The following PNKD variants were observed in gnomAD, a reference collection of about 807,000 sequenced individuals.
PNKD encodes the protein PNKD metallo-beta-lactamase domain containing, also known as probable thioesterase PNKD.
In PNKD, 36 loss-of-function variants were observed where a neutral mutation model predicts 45.3. The ratio of observed to expected loss-of-function variants is 0.80; its 90% CI spans 0.61 to 1.05. PNKD has a LOEUF of 1.05. Ranked by LOEUF, PNKD falls within the 50% of genes least tolerant of loss-of-function variation. The pLI is 0.00. For missense variants in PNKD, 511 were observed against 506.6 expected (o/e 1.01, Z -0.08); for synonymous variants, 197 against 210.1 (o/e 0.94, Z 0.54).
intron 2 of PNKD, among the ~76,000 whole-genome samples, chr2:218,298,952 C>G (rs1020168553): frequency 6.6e-6 from 1 of 152,060 alleles, no homozygotes; most frequent in African/African-American, 2.4e-5. Flanking sequence ...GCCTGAGAAC[C>G]TCTCCTTACC....
intron 2 of PNKD, among the ~76,000 whole-genome samples, chr2:218,306,595 C>T (rs1004434407): frequency 1.3e-5 from 2 of 152,114 alleles, no homozygotes; most frequent in Non-Finnish European, 2.9e-5. Context: ...AAGAACATTG[C>T]CCCAAGGTGC....
intron 2 of PNKD, among the ~76,000 whole-genome samples, chr2:218,300,481 G>A (rs558537916): frequency 6.6e-6 from 1 of 152,168 alleles, no homozygotes; most frequent in Admixed American, 6.5e-5. Flanking sequence ...GATCGCTTGG[G>A]GTTCATGTTA....
intron 2 of PNKD, among the ~76,000 whole-genome samples, chr2:218,339,281 C>T (rs932884841): frequency 6.6e-6 from 1 of 151,858 alleles, no homozygotes; most frequent in Non-Finnish European, 1.5e-5. Flanking sequence ...TTTTTTTAGA[C>T]AGAGTCTCAC....
chr2:218,275,317 A>G (rs1691083062), intron 2 of PNKD: 1 of 975,010 alleles, frequency 1.0e-6, no homozygotes. Context: ...CCACACATCC[A>G]TAGCCAGAGA....
intron 2 of PNKD, chr2:218,277,630 T>A (rs2106193251): frequency 6.2e-7 from 1 of 1,614,210 alleles, no homozygotes; most frequent in Admixed American, 1.7e-5. Context: ...TCCCTGAATG[T>A]ACCTGGAAAT....
chr2:218,272,604 A>G (rs1690889767), intron 2 of PNKD: 1 of 1,613,676 alleles, frequency 6.2e-7, no homozygotes, highest in African/African-American at 1.3e-5. Context: ...CCTCCTCTTC[A>G]TCCTCACCAA....
At chr2:218,293,544 T>G (rs945707883) in intron 2 of PNKD, among the ~76,000 whole-genome samples, 1 of 151,154 alleles carries the variant, frequency 6.6e-6, no homozygotes, top group Non-Finnish European at 1.5e-5. Context: ...CTCATGTTAA[T>G]AGCTATAGGT....
chr2:218,340,816 C>T lies in PNKD; in HGVS notation c.524+30C>T. 1 of 1,597,748 alleles carries T rather than the reference C, an allele frequency of 6.3e-7. No homozygotes were observed. Among genetic ancestry groups the T allele is most frequent in the Non-Finnish European group, 8.6e-7 (1 of 1,165,012 alleles). ...GGGGCTCCCGTCTTCCCTGGCCCACCCTTGTCCCAGCTGGGCTTGCCAGGA... is the reference window on the plus strand; with the variant it reads ...GGGGCTCCCGTCTTCCCTGGCCCACTCTTGTCCCAGCTGGGCTTGCCAGGA... On this transcript the variant is annotated intron_variant, in intron 5 of 9. Coordinates refer to ENST00000273077, the MANE Select transcript of PNKD (RefSeq NM_015488.5). The surrounding 1 kb of genome is among the most constrained non-coding windows in gnomAD (Gnocchi z 4.2).
At chr2:218,318,950 CTTTTTTTTTT>C (rs769001811) in intron 2 of PNKD, among the ~76,000 whole-genome samples, 7 of 99,904 alleles carry the variant, frequency 7.0e-5, no homozygotes, top group South Asian at 3.4e-4. Flanking sequence ...TTTTTTTTTT[CTTTTTTTTTT>C]TTTTTTTTTT....
chr2:218,291,514 G>A (rs746354835), intron 2 of PNKD, among the ~76,000 whole-genome samples: 9 of 152,128 alleles, frequency 5.9e-5, no homozygotes, highest in Non-Finnish European at 1.2e-4. Flanking sequence ...TCTGACCTGC[G>A]TTCCCAGGCC....
At chr2:218,296,970 G>A (rs933054066) in intron 2 of PNKD, among the ~76,000 whole-genome samples, 5 of 152,214 alleles carry the variant, frequency 3.3e-5, no homozygotes, top group African/African-American at 9.7e-5. Flanking sequence ...GAGCTACCGC[G>A]CCGCCCGAAG....
In PNKD at chr2:218,344,504, C is replaced by T. The variant is rs780334841; in HGVS notation, c.918C>T (p.Pro306=). The T allele has an allele frequency of 5.0e-6, 8 of 1,591,808 alleles. No individual in the cohort carries two copies. The highest frequency in any genetic ancestry group is 2.7e-5 in the African/African-American group (2 of 74,546). Residue 306 remains proline, a synonymous_variant, in exon 9 of 10, where the codon CCC becomes CCT. Coordinates refer to ENST00000273077, the MANE Select transcript of PNKD (RefSeq NM_015488.5). ...TGGGCTTTGCAGGTGTGGTGGAGCCCGAGAACCTGGCCCGGGAGAGGAAGA... is the reference window on the plus strand; with the variant it reads ...TGGGCTTTGCAGGTGTGGTGGAGCCTGAGAACCTGGCCCGGGAGAGGAAGA... ...ENLGFAGVVE[P]ENLARERKMQ... is the part of the protein sequence containing the mutation.
At chr2:218,285,153 G>A (rs1692406390) in intron 2 of PNKD, among the ~76,000 whole-genome samples, 1 of 152,148 alleles carries the variant, frequency 6.6e-6, no homozygotes, top group African/African-American at 2.4e-5. Context: ...CTGATCAATG[G>A]GGATAAAGGT....
intron 2 of PNKD, among the ~76,000 whole-genome samples, chr2:218,290,251 A>G (rs1692845661): frequency 6.6e-6 from 1 of 152,218 alleles, no homozygotes; most frequent in Admixed American, 6.5e-5. Context: ...TCCTGCAGTA[A>G]GCAACCCTGT....
At chr2:218,299,237 G>A (rs563175122) in intron 2 of PNKD, among the ~76,000 whole-genome samples, 128 of 152,272 alleles carry the variant, frequency 8.4e-4, no homozygotes, top group African/African-American at 3.1e-3. Context: ...CGCGTCCGAG[G>A]TTTAAACGAT....
At chr2:218,297,705 A>AG (rs1461830272) in intron 2 of PNKD, among the ~76,000 whole-genome samples, 21 of 144,618 alleles carry the variant, frequency 1.5e-4, no homozygotes, top group Admixed American at 1.1e-3. Flanking sequence ...AAAAAAAAAA[A>AG]AAGAGAGAAG....
intron 2 of PNKD, chr2:218,278,383 C>T: frequency 3.2e-6 from 3 of 932,404 alleles, no homozygotes; most frequent in Admixed American, 3.9e-5. Context: ...CAGTAGCTGT[C>T]ATCGTCATCC....
At chr2:218,273,646 AAT>A (rs1690953236) in intron 2 of PNKD, among the ~76,000 whole-genome samples, 2 of 126,114 alleles carry the variant, frequency 1.6e-5, no homozygotes, top group Admixed American at 8.7e-5. Flanking sequence ...ACTCCCAGTT[AAT>A]TTTTTTTTTT....
Position 218,339,853 on chromosome 2 carries a change from C to T in PNKD, c.307C>T (p.Arg103Cys), listed in dbSNP as rs1157911601. The T allele has an allele frequency of 1.2e-6, 2 of 1,612,604 alleles. No homozygotes were observed. The highest frequency in any genetic ancestry group is 8.5e-7 in the Non-Finnish European group (1 of 1,179,396). Residue 103 changes from arginine (R) to cysteine (C), a missense_variant, in exon 3 of 10, where the codon CGC becomes TGC. Arg to Cys is a radical substitution (Grantham distance 180). Coordinates refer to ENST00000273077, the MANE Select transcript of PNKD (RefSeq NM_015488.5). ...YRQQLRRARN[R>C]YPKGHSKTQP... The stretch of plus-strand genomic sequence containing the variant: ...ACAGCAGCTGCGCAGGGCTCGGAAT[C>T]GCTACCCTAAAGGCCACTCGAAAAC...
Sources: gnomAD v4.1 joint callset for allele counts (sites outside exome capture counted in the v4.1 genomes callset) on GRCh38, gnomAD v4.1.1 for gene constraint, Gnocchi (gnomAD v3.1) non-coding constraint, MANE v1.5 for transcripts, NCBI Gene and HGNC (gene_info 2026-07-23, HGNC 2026-07-21) for gene names.